Variants in PLS1 observed in about 807,000 individuals in gnomAD.
PLS1 encodes plastin 1, also known as plastin-1.
Under a neutral mutation model 73.7 loss-of-function variants are expected in PLS1, and 32 were observed. That is an observed-to-expected ratio of 0.43 (90% CI 0.33 to 0.58). The LOEUF (loss-of-function observed/expected upper bound fraction) is 0.58. Ranked by LOEUF, PLS1 falls within the 20% of genes least tolerant of loss-of-function variation. The probability of loss-of-function intolerance (pLI) is 0.04; values close to 1 mark genes in which losing one functional copy is unlikely to be tolerated. For synonymous variants in PLS1, 217 were observed against 261.3 expected (o/e 0.83, Z 1.63); for missense variants, 633 against 740.5 (o/e 0.85, Z 1.68).
intron 9 of PLS1, among the ~76,000 whole-genome samples, chr3:142,687,089 T>TAA (rs1311011676): frequency 6.6e-6 from 1 of 152,178 alleles, no homozygotes; most frequent in Non-Finnish European, 1.5e-5. Context: ...TCTTTTAGCA[T>TAA]AAGTTATAAA....
At chr3:142,691,602 A>G (rs185375367) in intron 10 of PLS1, among the ~76,000 whole-genome samples, 10 of 152,256 alleles carry the variant, frequency 6.6e-5, no homozygotes, top group Admixed American at 5.2e-4. Flanking sequence ...ATTGCTAAAT[A>G]TTTCCATTAT....
At chr3:142,660,563 C>T (rs1461019274) in intron 1 of PLS1, among the ~76,000 whole-genome samples, 1 of 152,112 alleles carries the variant, frequency 6.6e-6, no homozygotes, top group Non-Finnish European at 1.5e-5. Context: ...ACCACCTCTG[C>T]CCAGCATGGT....
intron 1 of PLS1, among the ~76,000 whole-genome samples, chr3:142,654,385 G>T (rs541469255): frequency 1.3e-5 from 2 of 152,008 alleles, no homozygotes; most frequent in African/African-American, 2.4e-5. Flanking sequence ...TTGCTCTGTC[G>T]CCCAGGCTGG....
chr3:142,599,153 C>G (rs984257520), intron 1 of PLS1, among the ~76,000 whole-genome samples: 1 of 150,326 alleles, frequency 6.7e-6, no homozygotes, highest in Non-Finnish European at 1.5e-5. Flanking sequence ...GTATCAGACA[C>G]TCAATAGTTA....
At chr3:142,622,111 A>G (rs2108562939) in intron 1 of PLS1, among the ~76,000 whole-genome samples, 1 of 139,520 alleles carries the variant, frequency 7.2e-6, no homozygotes, top group African/African-American at 2.9e-5. Flanking sequence ...ATTTCCTTAC[A>G]TTCGTGCAGA....
At chr3:142,633,935 GA>G (rs1286621254) in intron 1 of PLS1, among the ~76,000 whole-genome samples, 1 of 152,154 alleles carries the variant, frequency 6.6e-6, no homozygotes, top group African/African-American at 2.4e-5. Context: ...AATGTAATTA[GA>G]GCCATATTAC....
At chr3:142,624,717 G>A (rs1424011975) in intron 1 of PLS1, among the ~76,000 whole-genome samples, 4 of 152,202 alleles carry the variant, frequency 2.6e-5, no homozygotes, top group Non-Finnish European at 5.9e-5. Flanking sequence ...TTACTTGTAC[G>A]CACCATAGAA....
chr3:142,698,809 C>T (rs763036839), intron 12 of PLS1, among the ~76,000 whole-genome samples: 8 of 152,108 alleles, frequency 5.3e-5, no homozygotes, highest in Non-Finnish European at 1.0e-4. Flanking sequence ...ATCTTTTGAC[C>T]TAATTTCACC....
Position 142,684,088 on chromosome 3 carries a change from G to GA in PLS1, c.666dup (p.Pro223ThrfsTer19). ...ATTGGTGCATCAGATCTCAAAGAAG[G>GA]AAAACCTCACTTGGTCTTGGGACTT... On this transcript the variant is annotated frameshift_variant, in exon 7 of 16. Transcript: ENST00000457734. LOFTEE classifies it high-confidence loss of function. 6.2e-7 allele frequency: 1 copy of GA among 1,613,928 alleles called. No individual in the cohort carries two copies. The highest frequency in any genetic ancestry group is 8.5e-7 in the Non-Finnish European group (1 of 1,179,888).
intron 1 of PLS1, among the ~76,000 whole-genome samples, chr3:142,600,851 G>A (rs1414942595): frequency 1.5e-5 from 2 of 133,922 alleles, no homozygotes; most frequent in Non-Finnish European, 3.1e-5. Flanking sequence ...GGCTAGCAGT[G>A]GGGAAGGGAA....
chr3:142,634,664 G>A (rs528217155), intron 1 of PLS1, among the ~76,000 whole-genome samples: 32 of 152,146 alleles, frequency 2.1e-4, no homozygotes, highest in African/African-American at 7.7e-4. Context: ...AAAAAAAGAT[G>A]AAATTAAGGA....
At chr3:142,655,501 G>A (rs756721664) in intron 1 of PLS1, among the ~76,000 whole-genome samples, 6 of 151,828 alleles carry the variant, frequency 4.0e-5, no homozygotes, top group Non-Finnish European at 7.4e-5. Context: ...TGGGTGGATC[G>A]GCTGAGGTCA....
At chr3:142,654,899 T>G (rs992663554) in intron 1 of PLS1, 4 of 152,214 alleles carry the variant, frequency 2.6e-5, no homozygotes, top group Non-Finnish European at 4.4e-5. Flanking sequence ...TCCCATAAAC[T>G]GTTGTTTTAT....
At chr3:142,697,906 T>C (rs749337746) in intron 11 of PLS1, 47 bp from the exon 12 acceptor site, 8 of 1,028,716 alleles carry the variant, frequency 7.8e-6, no homozygotes, top group Non-Finnish European at 1.2e-5. Flanking sequence ...AATTAGGTAA[T>C]ACCCAACATT....
chr3:142,609,271 G>A (rs568101082), intron 1 of PLS1, among the ~76,000 whole-genome samples: 1 of 152,304 alleles, frequency 6.6e-6, no homozygotes, highest in Non-Finnish European at 1.5e-5. Flanking sequence ...CTCCATTACT[G>A]TCTTGCTCAT....
rs1354967606 is a variant in PLS1 at position 142,669,406 on chromosome 3, G to T, written c.87G>T (p.Gly29=). The change falls in exon 3 of 16, where the codon GGG becomes GGT. Residue 29 remains glycine, a synonymous_variant. Coordinates refer to ENST00000457734, the MANE Select transcript of PLS1 (RefSeq NM_001145319.2). The stretch of plus-strand genomic sequence containing the variant: ...TCTTTACAGATATTGACAATAGTGG[G>T]TATGTCAGTGACTATGAACTTCAAG... ...AFNKIDIDNS[G]YVSDYELQDL... The T allele has an allele frequency of 6.4e-7, 1 of 1,569,172 alleles. No homozygotes were observed. Among genetic ancestry groups the T allele is most frequent in the East Asian group, 2.3e-5 (1 of 44,394 alleles).
rs140491711 is a variant in PLS1 at position 142,671,568 on chromosome 3, C to T, written c.364+446C>T. Among the ~76,000 whole-genome samples, 40 of 152,068 alleles carry T rather than the reference C, an allele frequency of 2.6e-4. No homozygotes were observed. In the East Asian group the frequency reaches 6.6e-3, roughly 25 times the overall value. ...TCCATTTTCTGAGATCTGAGATACC[C>T]GATTCACCTTTTATCTAGTAACCAA... On this transcript the variant is annotated intron_variant, in intron 4 of 15. Transcript: ENST00000457734.
intron 8 of PLS1, among the ~76,000 whole-genome samples, chr3:142,685,846 G>A (rs764814332): frequency 6.6e-5 from 10 of 152,194 alleles, no homozygotes; most frequent in Non-Finnish European, 1.3e-4. Context: ...TCCATCTTTG[G>A]AGACAATGAC....
In PLS1 at chr3:142,713,341, C is replaced by T. The variant is rs1384423549; in HGVS notation, c.*1334C>T. ...TGAATGAGTAGTCTAAATTCCCTTT[C>T]TACCATTGATTTAAATATATATATT... is the stretch of plus-strand genomic sequence containing the variant. On this transcript the variant is annotated 3_prime_UTR_variant, in exon 16 of 16. Transcript: ENST00000457734. The T allele has an allele frequency of 6.6e-6, 1 of 152,576 alleles. No homozygotes were observed. The highest frequency in any genetic ancestry group is 2.4e-5 in the African/African-American group (1 of 41,438). The allele number at this position is 152,576 out of a possible 1,614,324, so 9.5% of individuals were successfully genotyped here.
Sources: gnomAD v4.1 joint callset for allele counts (sites outside exome capture counted in the v4.1 genomes callset) on GRCh38, gnomAD v4.1.1 for gene constraint, MANE v1.5 for transcripts, NCBI Gene and HGNC (gene_info 2026-07-23, HGNC 2026-07-21) for gene names.